The following ANKRD28 variants were observed in gnomAD, a reference collection of about 807,000 sequenced individuals.
The protein encoded by ANKRD28 is ankyrin repeat domain 28.
In ANKRD28, 44 loss-of-function variants were observed where a neutral mutation model predicts 126.5. The ratio of observed to expected loss-of-function variants is 0.35; its 90% CI spans 0.27 to 0.45. The LOEUF (loss-of-function observed/expected upper bound fraction) is 0.45. ANKRD28 is among the 20% of genes least tolerant of loss of function. The probability of loss-of-function intolerance (pLI) is 1.00; values close to 1 mark genes in which losing one functional copy is unlikely to be tolerated. For synonymous variants in ANKRD28, 442 were observed against 468.5 expected, an observed-to-expected ratio of 0.94 and a Z score of 0.73; for missense variants, 1,110 against 1,316.6, an observed-to-expected ratio of 0.84 and a Z score of 2.43.
At chr3:15,716,737 A>G (rs911673168) in intron 8 of ANKRD28, among the ~76,000 whole-genome samples, 1 of 152,248 alleles carries the variant, frequency 6.6e-6, no homozygotes, top group African/African-American at 2.4e-5. Flanking sequence ...CAAAATGATG[A>G]AATTTGGAAG....
At chr3:15,759,559 A>T (rs2058346774) in intron 3 of ANKRD28, among the ~76,000 whole-genome samples, 1 of 152,190 alleles carries the variant, frequency 6.6e-6, no homozygotes, top group Non-Finnish European at 1.5e-5. Context: ...CATCATGTAC[A>T]AATACTTGGT....
rs1255674790 is a variant in ANKRD28 at position 15,838,808 on chromosome 3, A to G, written c.27+20569T>C. The stretch of plus-strand genomic sequence containing the variant: ...AACGTGTCCATACACAGACTCATAC[A>G]TGAATATTCATAGCAGTATTATTCA... On this transcript the variant is annotated intron_variant, in intron 1 of 27. Coordinates refer to the ANKRD28 transcript ENST00000399451. This position sits in a 1 kb window ranked among gnomAD's most constrained non-coding sequence, Gnocchi z 4.0. 3.3e-5 allele frequency among the ~76,000 whole-genome samples: 5 copies of G among 152,168 alleles called. No homozygotes were observed. The highest frequency in any genetic ancestry group is 2.1e-4 in the South Asian group (1 of 4,832).
At chr3:15,736,436 C>A (rs2075021576) in intron 5 of ANKRD28, among the ~76,000 whole-genome samples, 1 of 152,124 alleles carries the variant, frequency 6.6e-6, no homozygotes, top group African/African-American at 2.4e-5. Flanking sequence ...GCCACAGAAT[C>A]TTGGGAATGT....
rs1352046970 is a variant in ANKRD28, at chr3:15,751,885, A to G, written c.281-65T>C. On this transcript the variant is annotated intron_variant, in intron 3 of 27. Transcript: ENST00000683139. ...TAAAATATTTTTAATAAATCTCCTGAAATAGTAGTTATATATAATCCAAAT... is the reference window on the plus strand; with the variant it reads ...TAAAATATTTTTAATAAATCTCCTGGAATAGTAGTTATATATAATCCAAAT... 38 of 1,107,848 alleles carry G rather than the reference A, an allele frequency of 3.4e-5. No individual in the cohort carries two copies. The South Asian group carries it at 5.7e-4, about 17-fold the overall frequency. The allele number at this position is 1,107,848 out of a possible 1,614,324, so 68.6% of individuals were successfully genotyped here.
intron 1 of ANKRD28, among the ~76,000 whole-genome samples, chr3:15,829,899 CATA>C (rs1459530073): frequency 6.6e-6 from 1 of 150,666 alleles, no homozygotes; most frequent in Non-Finnish European, 1.5e-5. Flanking sequence ...TCTGAATAAC[CATA>C]ATGTTAGTTG....
intron 1 of ANKRD28, among the ~76,000 whole-genome samples, chr3:15,822,272 G>A (rs1318573459): frequency 1.3e-5 from 2 of 152,206 alleles, no homozygotes; most frequent in Non-Finnish European, 2.9e-5. Context: ...ATCTAGGAGA[G>A]TTTGTTTTTG....
Position 15,796,629 on chromosome 3 carries a change from A to G in ANKRD28, c.-108T>C. On this transcript the variant is annotated 5_prime_UTR_variant, in exon 1 of 28. Coordinates refer to ENST00000683139, the MANE Select transcript of ANKRD28 (RefSeq NM_001349278.2). ...GTACAACACTTACAAACATTCTCTG[A>G]ACAGCACAGCTGGGTTTTTTTTTTT... The G allele has an allele frequency of 9.6e-7, 1 of 1,045,034 alleles. No individual in the cohort carries two copies. The highest frequency in any genetic ancestry group is 1.2e-6 in the Non-Finnish European group (1 of 863,434). The allele number at this position is 1,045,034 out of a possible 1,614,324, so 64.7% of individuals were successfully genotyped here.
At chr3:15,797,980 G>T (rs2060353351), upstream of ANKRD28, 1 of 985,232 alleles carries the variant, frequency 1.0e-6, no homozygotes, top group Admixed American at 6.2e-5. Flanking sequence ...CCAGAGATCT[G>T]AGCTACTTCT....
intron 8 of ANKRD28, 116 bp from the exon 9 acceptor site, chr3:15,714,772 G>A: frequency 1.5e-6 from 1 of 655,704 alleles, no homozygotes; most frequent in Non-Finnish European, 2.4e-6. Context: ...CATGAATTAA[G>A]TTTAACTGAG....
rs953203810 is a variant in ANKRD28, at chr3:15,833,154, G to A, written c.27+26223C>T. On this transcript the variant is annotated intron_variant, in intron 1 of 27. Coordinates refer to the ANKRD28 transcript ENST00000399451. This position sits in a 1 kb window ranked among gnomAD's most constrained non-coding sequence, Gnocchi z 4.4. ...CAAAGTATTGATCCAGGGTGTGTCT[G>A]TGAGGGTGCTGCCAAAGGAGATTAA... 5.3e-5 allele frequency among the ~76,000 whole-genome samples: 8 copies of A among 152,202 alleles called. No homozygotes were observed. Among genetic ancestry groups the A allele is most frequent in the African/African-American group, 1.9e-4 (8 of 41,454 alleles).
intron 27 of ANKRD28, among the ~76,000 whole-genome samples, chr3:15,674,196 AAAG>A (rs1553573254): frequency 1.5e-5 from 2 of 130,080 alleles, no homozygotes; most frequent in African/African-American, 3.3e-5. Context: ...AAAAAAAAAA[AAAG>A]AAGAAGAACC....
intron 14 of ANKRD28, among the ~76,000 whole-genome samples, chr3:15,703,985 T>G (rs1280537138): frequency 6.6e-6 from 1 of 152,178 alleles, no homozygotes; most frequent in Non-Finnish European, 1.5e-5. Flanking sequence ...GAGGGGAATT[T>G]CTTCCTTATA....
chr3:15,825,118 CTTAAACTACA>C (rs1236699004), intron 1 of ANKRD28, among the ~76,000 whole-genome samples: 1 of 152,184 alleles, frequency 6.6e-6, no homozygotes, highest in East Asian at 1.9e-4. Context: ...GGGCAGAAAT[CTTAAACTACA>C]TTTCCCAGAA....
chr3:15,832,576 A>G (rs879328015), intron 1 of ANKRD28, among the ~76,000 whole-genome samples: 17 of 152,210 alleles, frequency 1.1e-4, no homozygotes, highest in Non-Finnish European at 2.5e-4. Flanking sequence ...AATAGTGAAC[A>G]CTGTATCCAA....
In ANKRD28 at chr3:15,685,013, C is replaced by G. The variant is rs753441973; in HGVS notation, c.2389+213G>C. Reference sequence around the variant, plus strand: ...ACCTCAAAAATACTTCATGGCTTATCTCAGAACACCTTTGACAACTAGTGT... The same window carrying G: ...ACCTCAAAAATACTTCATGGCTTATGTCAGAACACCTTTGACAACTAGTGT... On this transcript the variant is annotated intron_variant, in intron 21 of 27. Transcript: ENST00000683139. The G allele has an allele frequency of 7.0e-6, 4 of 571,748 alleles. No homozygotes were observed. In the African/African-American group the frequency reaches 7.5e-5, roughly 11 times the overall value. 35.4% of individuals were successfully genotyped at this position (571,748 alleles called of 1,614,324 possible).
intron 27 of ANKRD28, among the ~76,000 whole-genome samples, chr3:15,672,049 T>C (rs1392248283): frequency 6.6e-6 from 1 of 152,220 alleles, no homozygotes; most frequent in Non-Finnish European, 1.5e-5. Context: ...GTGATTATAC[T>C]ATGGTTTAGT....
At chr3:15,684,463 T>C (rs2067879296) in intron 21 of ANKRD28, 2 of 152,342 alleles carry the variant, frequency 1.3e-5, no homozygotes, top group South Asian at 4.1e-4. Flanking sequence ...TGGATATTAC[T>C]GGTAATATAA....
Position 15,854,197 on chromosome 3 carries a change from C to T in ANKRD28, c.27+5180G>A, listed in dbSNP as rs558967579. ...CCCAGCTCAAACGTCCCATCACTTA[C>T]CAATGAAGTCCAAACTTCTCAGCCT... On this transcript the variant is annotated intron_variant, in intron 1 of 27. Transcript: ENST00000399451. This position sits in a 1 kb window ranked among gnomAD's most constrained non-coding sequence, Gnocchi z 4.1. Among the ~76,000 whole-genome samples the T allele has an allele frequency of 2.0e-5, 3 of 152,214 alleles. No individual in the cohort carries two copies. Among genetic ancestry groups the T allele is most frequent in the African/African-American group, 7.2e-5 (3 of 41,442 alleles).
At position 15,709,711 on chromosome 3, in the gene ANKRD28, G is replaced by A; in HGVS notation, c.1363C>T (p.Leu455=). 1.3e-6 allele frequency: 2 copies of A among 1,580,356 alleles called. No individual in the cohort carries two copies. Among genetic ancestry groups the A allele is most frequent in the Non-Finnish European group, 1.7e-6 (2 of 1,161,326 alleles). The part of the protein sequence containing the change: ...GGNLECLNLL[L]NTGADFNKKD... Reference sequence around the variant, plus strand: ...TTATTAAAGTCTGCACCAGTATTCAGCAGAAGGTTTAGGCACTCCAAATTC... The same window carrying A: ...TTATTAAAGTCTGCACCAGTATTCAACAGAAGGTTTAGGCACTCCAAATTC... Residue 455 remains leucine (L), a synonymous_variant, in exon 13 of 28, where the codon CTG becomes TTG. Transcript: ENST00000683139.
Sources: allele counts gnomAD v4.1 joint callset (sites outside exome capture counted in the v4.1 genomes callset), GRCh38; gene constraint gnomAD v4.1.1; non-coding constraint Gnocchi (gnomAD v3.1); transcripts MANE v1.5; gene names NCBI Gene and HGNC (gene_info 2026-07-23, HGNC 2026-07-21).